Variants in DPYD observed in about 807,000 individuals in gnomAD.
DPYD encodes dihydropyrimidine dehydrogenase [NADP(+)].
A neutral mutation model predicts 116.2 loss-of-function variants in DPYD; 109 were observed. The observed-to-expected ratio is 0.94, with a 90% CI of 0.80 to 1.10. DPYD has a LOEUF of 1.10. DPYD is among the 50% of genes least tolerant of loss of function. DPYD has a pLI of 0.00. For synonymous variants in DPYD, 440 were observed against 432.0 expected (o/e 1.02, Z -0.23); for missense variants, 1,302 against 1,254.5 (o/e 1.04, Z -0.57).
At chr1:97,547,738 T>C (rs896329436) in intron 12 of DPYD, among the ~76,000 whole-genome samples, 2 of 152,042 alleles carry the variant, frequency 1.3e-5, no homozygotes, top group Admixed American at 1.3e-4. Flanking sequence ...TAGAGTGCAG[T>C]GGTGTGATCA....
chr1:97,750,855 G>C (rs1328698713), intron 3 of DPYD, among the ~76,000 whole-genome samples: 1 of 152,068 alleles, frequency 6.6e-6, no homozygotes, highest in East Asian at 1.9e-4. Flanking sequence ...TTGAGTATGT[G>C]CAAATTTTGG....
intron 20 of DPYD, among the ~76,000 whole-genome samples, chr1:97,133,795 C>G (rs1355051142): frequency 1.3e-5 from 2 of 151,006 alleles, no homozygotes; most frequent in Non-Finnish European, 2.9e-5. Context: ...GTCAGGAGTT[C>G]GAGACCAGCC....
chr1:97,810,380 T>A (rs536674801), intron 3 of DPYD, among the ~76,000 whole-genome samples: 1 of 150,962 alleles, frequency 6.6e-6, no homozygotes, highest in South Asian at 2.1e-4. Flanking sequence ...GAAAACAGCA[T>A]CATGTGTTAA....
intron 3 of DPYD, among the ~76,000 whole-genome samples, chr1:97,789,072 G>T (rs1667187936): frequency 6.6e-6 from 1 of 152,118 alleles, no homozygotes; most frequent in Non-Finnish European, 1.5e-5. Context: ...TTCCCAAAGT[G>T]CTGGGAACAA....
chr1:97,230,897 C>G (rs1661550164), intron 19 of DPYD, among the ~76,000 whole-genome samples: 1 of 152,168 alleles, frequency 6.6e-6, no homozygotes, highest in African/African-American at 2.4e-5. Flanking sequence ...TCTTGCAGTT[C>G]CAGTTCCAGG....
intron 8 of DPYD, among the ~76,000 whole-genome samples, chr1:97,658,476 A>G (rs1011132986): frequency 3.9e-5 from 6 of 152,282 alleles, no homozygotes; most frequent in African/African-American, 1.4e-4. Context: ...ATAAATTTAA[A>G]ACATCGTGTA....
At chr1:97,265,150 T>A (rs972707447) in intron 18 of DPYD, among the ~76,000 whole-genome samples, 5 of 152,270 alleles carry the variant, frequency 3.3e-5, no homozygotes, top group Admixed American at 1.3e-4. Context: ...TGTTGTTTCT[T>A]AAATTCCCAA....
At chr1:97,659,243 G>A (rs1040399821) in intron 8 of DPYD, among the ~76,000 whole-genome samples, 10 of 152,058 alleles carry the variant, frequency 6.6e-5, no homozygotes, top group South Asian at 2.1e-4. Context: ...CATTGAATGC[G>A]TAATAACAGG....
At chr1:97,117,447 A>G (rs1288776525) in intron 20 of DPYD, among the ~76,000 whole-genome samples, 1 of 152,216 alleles carries the variant, frequency 6.6e-6, no homozygotes, top group Non-Finnish European at 1.5e-5. Flanking sequence ...AAGCTGGGTC[A>G]AGCACTCTTA....
chr1:97,234,696 C>G (rs1329110888), intron 19 of DPYD, among the ~76,000 whole-genome samples, 156 bp downstream of exon 19: 1 of 152,150 alleles, frequency 6.6e-6, no homozygotes, highest in Non-Finnish European at 1.5e-5. Flanking sequence ...CTCTTCATAA[C>G]TTGTCAGAGG....
intron 13 of DPYD, among the ~76,000 whole-genome samples, chr1:97,510,939 G>C (rs540555208): frequency 6.6e-6 from 1 of 151,864 alleles, no homozygotes; most frequent in African/African-American, 2.4e-5. Context: ...TGAAGAGATA[G>C]AGAGAAAAGC....
chr1:97,507,658 A>C (rs1461004244), intron 13 of DPYD, among the ~76,000 whole-genome samples: 1 of 152,006 alleles, frequency 6.6e-6, no homozygotes, highest in Non-Finnish European at 1.5e-5. Context: ...ATGTTTGTGA[A>C]ATTTTCAACT....
At chr1:97,242,146 A>G (rs1231389141) in intron 18 of DPYD, among the ~76,000 whole-genome samples, 1 of 130,848 alleles carries the variant, frequency 7.6e-6, no homozygotes, top group Non-Finnish European at 1.7e-5. Flanking sequence ...ATATATATAT[A>G]TATATATATA....
chr1:97,758,263 G>A (rs542966455), intron 3 of DPYD, among the ~76,000 whole-genome samples: 2 of 151,798 alleles, frequency 1.3e-5, no homozygotes, highest in African/African-American at 2.4e-5. Context: ...AGCAATGGGT[G>A]TATGATTAGG....
At chr1:97,732,705 T>A (rs548236052) in intron 4 of DPYD, among the ~76,000 whole-genome samples, 12 of 152,230 alleles carry the variant, frequency 7.9e-5, no homozygotes, top group Admixed American at 2.6e-4. Flanking sequence ...GATTCAAGAC[T>A]AGGAAGCTAT....
intron 12 of DPYD, among the ~76,000 whole-genome samples, chr1:97,547,505 T>C (rs142127747): frequency 6.6e-6 from 1 of 152,304 alleles, no homozygotes; most frequent in Non-Finnish European, 1.5e-5. Flanking sequence ...GTTTAAATTG[T>C]GTTCTTTTTC....
chr1:97,902,195 C>T (rs896853293), intron 1 of DPYD, among the ~76,000 whole-genome samples: 5 of 151,802 alleles, frequency 3.3e-5, no homozygotes, highest in South Asian at 4.1e-4. Flanking sequence ...TTTACAGATG[C>T]GCCTAGTGAA....
At chr1:97,527,440 A>T (rs1423318076) in intron 12 of DPYD, among the ~76,000 whole-genome samples, 2 of 152,170 alleles carry the variant, frequency 1.3e-5, no homozygotes, top group African/African-American at 4.8e-5. Context: ...ACAAGAAACT[A>T]ACCTAAAAAG....
rs186687132 is a variant in DPYD at position 97,745,642 on chromosome 1, C to T, written c.234-5163G>A. 3.5e-3 allele frequency among the ~76,000 whole-genome samples: 535 copies of T among 152,176 alleles called. 2 individuals carry two copies. Among genetic ancestry groups the T allele is most frequent in the African/African-American group, 0.011 (456 of 41,558 alleles). Reference sequence around the variant, plus strand: ...ATTTTGAATTAAATGAAGGGACTTACATTAAATTCCATACACATTATTTAT... The same window carrying T: ...ATTTTGAATTAAATGAAGGGACTTATATTAAATTCCATACACATTATTTAT... On this transcript the variant is annotated intron_variant, in intron 3 of 22. Transcript: ENST00000370192.
Sources: allele counts gnomAD v4.1 joint callset (sites outside exome capture counted in the v4.1 genomes callset), GRCh38; gene constraint gnomAD v4.1.1; transcripts MANE v1.5; gene names NCBI Gene and HGNC (gene_info 2026-07-23, HGNC 2026-07-21).